KCNQ5: variants seen among roughly 807,000 people sequenced by gnomAD.
KCNQ5 encodes potassium voltage-gated channel subfamily Q member 5.
KCNQ5 carries 30 observed loss-of-function variants against 98.2 expected under a neutral mutation model. The observed-to-expected ratio is 0.31, with a 90% CI of 0.23 to 0.41. The LOEUF (loss-of-function observed/expected upper bound fraction) is 0.41, where lower values mean the gene tolerates loss of function less well. Among genes scored for constraint, KCNQ5 ranks in the 10% least tolerant of loss-of-function variants. The probability of loss-of-function intolerance (pLI) is 1.00; values close to 1 mark genes in which losing one functional copy is unlikely to be tolerated. For synonymous variants in KCNQ5, 458 were observed against 449.4 expected (o/e 1.02, Z -0.24); for missense variants, 835 against 1,182.5 (o/e 0.71, Z 4.31).
chr6:73,126,352 G>A (rs896695648), intron 9 of KCNQ5, among the ~76,000 whole-genome samples: 3 of 152,156 alleles, frequency 2.0e-5, no homozygotes, highest in Admixed American at 2.0e-4. Flanking sequence ...TAAACTCTAT[G>A]GCAATCCTGA....
At chr6:72,765,806 G>T (rs189703568) in intron 1 of KCNQ5, among the ~76,000 whole-genome samples, 9 of 152,112 alleles carry the variant, frequency 5.9e-5, no homozygotes, top group African/African-American at 1.9e-4. Context: ...AATGCTCTAT[G>T]GTGATTAGAC....
intron 10 of KCNQ5, among the ~76,000 whole-genome samples, chr6:73,161,980 G>A (rs138010644): frequency 1.1e-3 from 166 of 152,006 alleles, no homozygotes; most frequent in African/African-American, 3.8e-3. Flanking sequence ...GCAATGGTGC[G>A]ATCTTGGCTC....
In KCNQ5 at chr6:72,978,813, G is replaced by A. The variant is rs958226444; in HGVS notation, c.399-25095G>A. Among the ~76,000 whole-genome samples the A allele has an allele frequency of 1.5e-4, 23 of 152,104 alleles. No homozygotes were observed. In the East Asian group the frequency reaches 3.8e-3, roughly 25 times the overall value. On this transcript the variant is annotated intron_variant, in intron 1 of 13. Transcript: ENST00000370398. The stretch of plus-strand genomic sequence containing the variant: ...ATTTACATTACATATTTCTCCTAAT[G>A]CTATCCCTCCCCCATCCCCTGACCC...
chr6:72,697,352 A>T (rs1276812243), intron 1 of KCNQ5, among the ~76,000 whole-genome samples: 1 of 152,190 alleles, frequency 6.6e-6, no homozygotes, highest in East Asian at 1.9e-4. Context: ...AAAGGGCCAT[A>T]TAGAAGTTAT....
chr6:73,056,670 T>C (rs1772511472), intron 3 of KCNQ5, among the ~76,000 whole-genome samples: 1 of 152,202 alleles, frequency 6.6e-6, no homozygotes, highest in Non-Finnish European at 1.5e-5. Flanking sequence ...ATGTTGCAGT[T>C]GCTTGGCCCT....
At chr6:72,715,197 C>G (rs969350960) in intron 1 of KCNQ5, among the ~76,000 whole-genome samples, 14 of 152,132 alleles carry the variant, frequency 9.2e-5, no homozygotes, top group African/African-American at 3.4e-4. Context: ...TATCCGTAGC[C>G]TGGCCAATTT....
At chr6:72,686,919 A>G (rs1324934111) in intron 1 of KCNQ5, among the ~76,000 whole-genome samples, 1 of 152,130 alleles carries the variant, frequency 6.6e-6, no homozygotes, top group Non-Finnish European at 1.5e-5. Flanking sequence ...TATCTCAAAA[A>G]GTCATAAAAG....
At chr6:72,806,696 A>G (rs550792948) in intron 1 of KCNQ5, among the ~76,000 whole-genome samples, 10 of 152,100 alleles carry the variant, frequency 6.6e-5, no homozygotes, top group African/African-American at 2.4e-4. Context: ...AAGGAATTAA[A>G]TGTGTCTTCT....
rs191031613 is a variant in KCNQ5 at position 72,643,642 on chromosome 6, A to G, written c.398+21055A>G. Among the ~76,000 whole-genome samples the G allele has an allele frequency of 2.6e-3, 391 of 152,052 alleles. 4 individuals are homozygous for G. In the South Asian group the frequency reaches 0.028, roughly 11 times the overall value. On this transcript the variant is annotated intron_variant, in intron 1 of 13. Coordinates refer to ENST00000370398, the MANE Select transcript of KCNQ5 (RefSeq NM_019842.4). ...ACAGTAAGTGTCTGCAAATATTTCA[A>G]ATTTTCAAAAAAAACCTGGAGAGGC...
chr6:73,106,130 C>G (rs1301172277), intron 6 of KCNQ5, among the ~76,000 whole-genome samples: 6 of 151,870 alleles, frequency 4.0e-5, no homozygotes, highest in Admixed American at 3.9e-4. Context: ...CAGTCTTGCT[C>G]CAGACACAGC....
At chr6:72,633,076 C>G (rs940325452) in intron 1 of KCNQ5, among the ~76,000 whole-genome samples, 1 of 152,194 alleles carries the variant, frequency 6.6e-6, no homozygotes, top group African/African-American at 2.4e-5. Context: ...CTTTTCTCTG[C>G]AGTCTCACCA....
At chr6:72,801,610 C>A (rs1486214517) in intron 1 of KCNQ5, among the ~76,000 whole-genome samples, 2 of 128,128 alleles carry the variant, frequency 1.6e-5, no homozygotes, top group Non-Finnish European at 1.6e-5. Context: ...TTAATTGGAG[C>A]ATTTAGTCCA....
At chr6:73,178,431 A>T (rs1000241086) in intron 11 of KCNQ5, among the ~76,000 whole-genome samples, 2 of 147,220 alleles carry the variant, frequency 1.4e-5, no homozygotes, top group African/African-American at 2.5e-5. Context: ...TACAAACATT[A>T]AAAAAAAACA....
intron 1 of KCNQ5, among the ~76,000 whole-genome samples, chr6:72,921,232 T>A (rs1780380964): frequency 6.6e-6 from 1 of 152,144 alleles, no homozygotes; most frequent in Non-Finnish European, 1.5e-5. Context: ...GCAGTAAGAT[T>A]CAATTAGAAA....
At chr6:72,915,717 C>G (rs2150210723) in intron 1 of KCNQ5, among the ~76,000 whole-genome samples, 1 of 152,230 alleles carries the variant, frequency 6.6e-6, no homozygotes, top group Non-Finnish European at 1.5e-5. Context: ...CACACAGGCA[C>G]ACTGACTAAA....
chr6:72,924,731 T>G (rs991099868), intron 1 of KCNQ5, among the ~76,000 whole-genome samples: 1 of 152,156 alleles, frequency 6.6e-6, no homozygotes, highest in African/African-American at 2.4e-5. Flanking sequence ...GGTGAGCAAC[T>G]GCTGTCTTGG....
intron 8 of KCNQ5, among the ~76,000 whole-genome samples, chr6:73,123,813 G>T (rs1775840725): frequency 6.6e-6 from 1 of 152,104 alleles, no homozygotes. Flanking sequence ...CTAACCTAAA[G>T]CCTTTGATTT....
At chr6:72,969,597 A>G (rs1290852697) in intron 1 of KCNQ5, among the ~76,000 whole-genome samples, 2 of 152,062 alleles carry the variant, frequency 1.3e-5, no homozygotes, top group Non-Finnish European at 2.9e-5. Context: ...ATATTATTCT[A>G]TTCCGTCATT....
In KCNQ5 at chr6:72,838,031, T is replaced by C. The variant is rs1051765942; in HGVS notation, c.399-165877T>C. On this transcript the variant is annotated intron_variant, in intron 1 of 13. Transcript: ENST00000370398. ...GGTTTGTTACATATGTATACATGTGTCATGTTGGTGTGCTGCACCCACTAA... is the reference window on the plus strand; with the variant it reads ...GGTTTGTTACATATGTATACATGTGCCATGTTGGTGTGCTGCACCCACTAA... 3.4e-4 allele frequency among the ~76,000 whole-genome samples: 51 copies of C among 151,892 alleles called. 1 individual carries two copies. Among genetic ancestry groups the C allele is most frequent in the South Asian group, 2.7e-3 (13 of 4,796 alleles).
Sources: gnomAD v4.1 joint callset for allele counts (sites outside exome capture counted in the v4.1 genomes callset) on GRCh38, gnomAD v4.1.1 for gene constraint, MANE v1.5 for transcripts, NCBI Gene and HGNC (gene_info 2026-07-23, HGNC 2026-07-21) for gene names.